Variants in ETFA observed in about 807,000 individuals in gnomAD.
ETFA encodes the protein electron transfer flavoprotein subunit alpha.
Under a neutral mutation model 46.2 loss-of-function variants are expected in ETFA, and 22 were observed. That is an observed-to-expected ratio of 0.48 (90% CI 0.34 to 0.68). The LOEUF (loss-of-function observed/expected upper bound fraction) is 0.68. Among genes scored for constraint, ETFA ranks in the 30% least tolerant of loss-of-function variants. The pLI is 0.01. For missense variants in ETFA, 345 were observed against 401.1 expected, an observed-to-expected ratio of 0.86 and a Z score of 1.19; for synonymous variants, 131 against 139.9, an observed-to-expected ratio of 0.94 and a Z score of 0.45.
At chr15:76,258,949 A>G in intron 9 of ETFA, 1 of 1,439,994 alleles carries the variant, frequency 6.9e-7, no homozygotes, top group Non-Finnish European at 9.7e-7. Context: ...TGGCCATCAG[A>G]GCCAGCCAAA....
rs2039376313 is a variant in ETFA at position 76,259,198 on chromosome 15, G to A, written c.816+15214C>T. On this transcript the variant is annotated intron_variant, in intron 9 of 11. Transcript: ENST00000557943. ...CTGTAGGGCTGATCCCCGCTAGGCA[G>A]CTCCAGGCTGCCTCCCACAGTGGGC... The A allele has an allele frequency of 4.6e-6, 7 of 1,533,820 alleles. No homozygotes were observed. The East Asian group carries it at 1.6e-4, about 35-fold the overall frequency.
chr15:76,231,619 T>G (rs938802822), intron 9 of ETFA, among the ~76,000 whole-genome samples: 1 of 152,200 alleles, frequency 6.6e-6, no homozygotes, highest in African/African-American at 2.4e-5. Context: ...AATAAATATG[T>G]GGATAATGAG....
intron 9 of ETFA, among the ~76,000 whole-genome samples, chr15:76,236,226 G>A (rs368501665): frequency 6.6e-6 from 1 of 152,040 alleles, no homozygotes; most frequent in Non-Finnish European, 1.5e-5. Flanking sequence ...TTGCATTTTC[G>A]CTCATCACTG....
At chr15:76,307,280 G>C (rs1446016022) in intron 1 of ETFA, among the ~76,000 whole-genome samples, 2 of 152,018 alleles carry the variant, frequency 1.3e-5, no homozygotes, top group Non-Finnish European at 2.9e-5. Context: ...GTGTTCTCTA[G>C]CTCTTTATTA....
At chr15:76,283,922 T>C (rs1567215102) in intron 7 of ETFA, 97 bp from the exon 8 acceptor site, 2 of 810,082 alleles carry the variant, frequency 2.5e-6, no homozygotes, top group African/African-American at 1.7e-5. Flanking sequence ...TTTCATATTA[T>C]GTAACTGCCA....
intron 9 of ETFA, among the ~76,000 whole-genome samples, chr15:76,245,500 C>T (rs116168148): frequency 7.1e-4 from 108 of 152,212 alleles, no homozygotes; most frequent in African/African-American, 2.5e-3. Context: ...AAAGTTTGTT[C>T]CTACACAGAC....
chr15:76,229,235 G>T (rs181250448), intron 10 of ETFA: 1 of 152,234 alleles, frequency 6.6e-6, no homozygotes, highest in Non-Finnish European at 1.5e-5. Context: ...CAGATAATGG[G>T]GCTATGACAA....
chr15:76,262,742 A>G (rs902830183), intron 9 of ETFA, among the ~76,000 whole-genome samples: 2 of 152,100 alleles, frequency 1.3e-5, no homozygotes, highest in Non-Finnish European at 2.9e-5. Context: ...TCGGCCTCCC[A>G]AAGTGCTGGG....
At chr15:76,289,426 T>C (rs2039736432) in intron 4 of ETFA, among the ~76,000 whole-genome samples, 1 of 152,240 alleles carries the variant, frequency 6.6e-6, no homozygotes, top group South Asian at 2.1e-4. Context: ...GTTTTAGAAC[T>C]TTCTAAATTG....
chr15:76,293,741 G>A (rs1041238072), intron 2 of ETFA, among the ~76,000 whole-genome samples: 17 of 152,218 alleles, frequency 1.1e-4, no homozygotes, highest in East Asian at 3.8e-4. Context: ...CATATGAACT[G>A]TTAGCTTGCA....
chr15:76,311,190 G>A (rs924222658), intron 1 of ETFA, among the ~76,000 whole-genome samples, 160 bp downstream of exon 1: 2 of 152,228 alleles, frequency 1.3e-5, no homozygotes, highest in Non-Finnish European at 2.9e-5. Context: ...GGAGTCCAGG[G>A]TAGGCCCCAG....
At chr15:76,220,074 T>A (rs28806280) in intron 11 of ETFA, among the ~76,000 whole-genome samples, 1 of 152,204 alleles carries the variant, frequency 6.6e-6, no homozygotes, top group Non-Finnish European at 1.5e-5. Flanking sequence ...TTCTGTTTTT[T>A]GTTTTTTTTC....
In ETFA at chr15:76,292,645, T is replaced by C. The variant is rs972293793; in HGVS notation, c.242A>G (p.His81Arg). 8 of 1,613,892 alleles carry C rather than the reference T, an allele frequency of 5.0e-6. No individual in the cohort carries two copies. Among genetic ancestry groups the C allele is most frequent in the Non-Finnish European group, 2.5e-6 (3 of 1,179,846 alleles). ...TGGAAGTAGGCCTTTGTACACATCATGCTGAGCCACCAGAACTTTTGCTAT... is the reference window on the plus strand; with the variant it reads ...TGGAAGTAGGCCTTTGTACACATCACGCTGAGCCACCAGAACTTTTGCTAT... ...AGIAKVLVAQ[H>R]DVYKGLLPEE... Residue 81 changes from histidine (H) to arginine (R), a missense_variant, in exon 3 of 12, where the codon CAT (histidine) becomes CGT (arginine). Transcript: ENST00000557943.
chr15:76,243,072 G>T (rs1463437951), intron 9 of ETFA, among the ~76,000 whole-genome samples: 1 of 152,134 alleles, frequency 6.6e-6, no homozygotes, highest in East Asian at 1.9e-4. Flanking sequence ...CAAGGTGGGT[G>T]GATCACTTCA....
At chr15:76,305,862 G>GTTT (rs58091811) in intron 1 of ETFA, among the ~76,000 whole-genome samples, 1 of 143,772 alleles carries the variant, frequency 7.0e-6, no homozygotes, top group East Asian at 2.0e-4. Flanking sequence ...CTCAATAGTT[G>GTTT]TTTTTTTTTT....
intron 9 of ETFA, among the ~76,000 whole-genome samples, chr15:76,254,834 G>A (rs986917355): frequency 2.6e-5 from 4 of 152,146 alleles, no homozygotes; most frequent in Admixed American, 6.5e-5. Context: ...GGACAGTACA[G>A]CAGTGTGTGT....
At position 76,286,473 on chromosome 15, in the gene ETFA, G is replaced by C. The variant is rs930548270; in HGVS notation, c.460C>G (p.Leu154Val). ...TTCTCATCACACTTCACTGTACATA[G>C]AGCATTTCCTGAAACATACAATCTA... Reference protein sequence around the residue: ...FVRTIYAGNALCTVKCDEKVK... With the variant: ...FVRTIYAGNAVCTVKCDEKVK... The change falls in exon 6 of 12, where the codon CTA becomes GTA. Residue 154 changes from leucine to valine, a missense_variant. Transcript: ENST00000557943. 7 of 1,605,826 alleles carry C rather than the reference G, an allele frequency of 4.4e-6. No individual in the cohort carries two copies. Among genetic ancestry groups the C allele is most frequent in the Middle Eastern group, 1.7e-4 (1 of 6,044 alleles).
intron 9 of ETFA, chr15:76,259,240 T>A (rs2141491471): frequency 6.4e-7 from 1 of 1,553,296 alleles, no homozygotes; most frequent in East Asian, 2.2e-5. Flanking sequence ...GCTCTCTCGA[T>A]GTTGATGTAT....
chr15:76,274,165 G>T (rs774500196), intron 9 of ETFA: 3 of 497,162 alleles, frequency 6.0e-6, no homozygotes, highest in Admixed American at 3.4e-5. Context: ...GATGTAATAT[G>T]ACTTAATTTG....
Sources: gnomAD v4.1 joint callset for allele counts (sites outside exome capture counted in the v4.1 genomes callset) on GRCh38, gnomAD v4.1.1 for gene constraint, MANE v1.5 for transcripts, NCBI Gene and HGNC (gene_info 2026-07-23, HGNC 2026-07-21) for gene names.